The following ENTREP2 variants were observed in gnomAD, a reference collection of about 807,000 sequenced individuals.
ENTREP2 encodes the protein endosomal transmembrane epsin interactor 2, also known as protein ENTREP2.
chr15:29,190,399 G>A, the ENTREP2 span, among the ~76,000 whole-genome samples: 12 of 151,894 alleles, frequency 7.9e-5, no homozygotes, highest in African/African-American at 2.9e-4. Flanking sequence ...GGGCCAGTCA[G>A]GAAGGGCAGA....
the ENTREP2 span, among the ~76,000 whole-genome samples, chr15:29,656,799 T>C: frequency 1.3e-5 from 2 of 152,208 alleles, no homozygotes; most frequent in Admixed American, 6.5e-5. Flanking sequence ...TCGTTTCTTC[T>C]AAAGTTAAGC....
At chr15:29,533,531 G>A in the ENTREP2 span, among the ~76,000 whole-genome samples, 8 of 152,150 alleles carry the variant, frequency 5.3e-5, no homozygotes, top group Non-Finnish European at 1.0e-4. Flanking sequence ...TTCACCTGGT[G>A]AGAAATAGCA....
the ENTREP2 span, among the ~76,000 whole-genome samples, chr15:29,320,895 T>C: frequency 3.3e-5 from 5 of 152,132 alleles, no homozygotes; most frequent in Non-Finnish European, 5.9e-5. Context: ...AGAACAGTTG[T>C]ATAATTTCAG....
At chr15:29,435,685 C>G in the ENTREP2 span, among the ~76,000 whole-genome samples, 1 of 151,596 alleles carries the variant, frequency 6.6e-6, no homozygotes, top group African/African-American at 2.4e-5. Context: ...TATATACACA[C>G]ATATATATGT....
chr15:29,478,297 G>A, the ENTREP2 span, among the ~76,000 whole-genome samples: 2 of 151,742 alleles, frequency 1.3e-5, no homozygotes. Flanking sequence ...AAAGTGCTGG[G>A]ATTATAGGTG....
chr15:29,267,389 T>A, the ENTREP2 span: 171 of 152,326 alleles, frequency 1.1e-3, 1 homozygote, highest in African/African-American at 3.8e-3. Context: ...ACTCTTCTAG[T>A]TCATTTAGTG....
chr15:29,552,233 C>A, the ENTREP2 span, among the ~76,000 whole-genome samples: 1 of 151,960 alleles, frequency 6.6e-6, no homozygotes, highest in South Asian at 2.1e-4. Context: ...CAAAAAAACT[C>A]GGGAGACAGA....
the ENTREP2 span, among the ~76,000 whole-genome samples, chr15:29,628,010 T>C: frequency 6.6e-6 from 1 of 152,174 alleles, no homozygotes; most frequent in African/African-American, 2.4e-5. Context: ...AGAAGTTAGA[T>C]GACTGGATTG....
chr15:29,364,701 C>A, the ENTREP2 span, among the ~76,000 whole-genome samples: 1 of 152,086 alleles, frequency 6.6e-6, no homozygotes, highest in Non-Finnish European at 1.5e-5. Flanking sequence ...CTGAATGTAT[C>A]CTGGTTTGGG....
At chr15:29,572,006 A>G in the ENTREP2 span, among the ~76,000 whole-genome samples, 6 of 152,310 alleles carry the variant, frequency 3.9e-5, no homozygotes, top group Admixed American at 3.3e-4. Context: ...GAGAAACGCT[A>G]GAGAGTGTAG....
the ENTREP2 span, among the ~76,000 whole-genome samples, chr15:29,143,242 A>G: frequency 6.6e-6 from 1 of 152,270 alleles, no homozygotes; most frequent in Admixed American, 6.5e-5. Context: ...AGAAGTGAAC[A>G]GATCAGTAAA....
chr15:29,123,488 C>T, the ENTREP2 span: 2 of 1,551,590 alleles, frequency 1.3e-6, no homozygotes, highest in Non-Finnish European at 8.7e-7. Context: ...GCCACCAAAA[C>T]CCTGGCATCC....
At chr15:29,338,970 CA>C in the ENTREP2 span, among the ~76,000 whole-genome samples, 5 of 152,178 alleles carry the variant, frequency 3.3e-5, no homozygotes, top group Non-Finnish European at 7.3e-5. Flanking sequence ...CAGTCCTCTA[CA>C]TCAGGGACCA....
At chr15:29,158,084 G>A in the ENTREP2 span, among the ~76,000 whole-genome samples, 12 of 152,158 alleles carry the variant, frequency 7.9e-5, no homozygotes, top group African/African-American at 2.9e-4. Context: ...CCTCAATCTA[G>A]AAATTTCAAC....
At chr15:29,384,176 T>A in the ENTREP2 span, among the ~76,000 whole-genome samples, 1 of 152,188 alleles carries the variant, frequency 6.6e-6, no homozygotes, top group East Asian at 1.9e-4. Flanking sequence ...AGATGACCAT[T>A]CCCGCCGGAG....
the ENTREP2 span, among the ~76,000 whole-genome samples, chr15:29,555,573 ACT>A: frequency 1.9e-4 from 29 of 152,272 alleles, no homozygotes; most frequent in Non-Finnish European, 3.5e-4. Flanking sequence ...GACGAGCAGC[ACT>A]CTCTGTAAAT....
the ENTREP2 span, among the ~76,000 whole-genome samples, chr15:29,152,439 G>A: frequency 6.6e-6 from 1 of 152,108 alleles, no homozygotes; most frequent in African/African-American, 2.4e-5. Flanking sequence ...TTAACCCCCA[G>A]TTCTGATCCC....
At chr15:29,220,275 G>A in the ENTREP2 span, among the ~76,000 whole-genome samples, 1 of 152,330 alleles carries the variant, frequency 6.6e-6, no homozygotes, top group East Asian at 1.9e-4. Flanking sequence ...TTTAGCGCAT[G>A]TGAATTCAGA....
At chr15:29,246,372 A>G in the ENTREP2 span, among the ~76,000 whole-genome samples, 2 of 147,152 alleles carry the variant, frequency 1.4e-5, no homozygotes, top group African/African-American at 5.1e-5. Flanking sequence ...AGCCTAAGCA[A>G]CAGAGTGAAA....
Sources: gnomAD v4.1 joint callset for allele counts (sites outside exome capture counted in the v4.1 genomes callset) on GRCh38, gnomAD v4.1.1 for gene constraint, MANE v1.5 for transcripts, NCBI Gene and HGNC (gene_info 2026-07-23, HGNC 2026-07-21) for gene names.